DAB1: variants seen among roughly 807,000 people sequenced by gnomAD.
The protein encoded by DAB1 is DAB adaptor protein 1.
In DAB1, 15 loss-of-function variants were observed where a neutral mutation model predicts 64.6. The observed-to-expected ratio is 0.23, with a 90% CI of 0.16 to 0.36. DAB1 has a LOEUF of 0.36. Ranked by LOEUF, DAB1 falls within the 10% of genes least tolerant of loss-of-function variation. The pLI, the probability that DAB1 is intolerant of heterozygous loss-of-function variation, is 1.00. For missense variants in DAB1, 596 were observed against 706.7 expected, an observed-to-expected ratio of 0.84 and a Z score of 1.78; for synonymous variants, 235 against 251.9, an observed-to-expected ratio of 0.93 and a Z score of 0.64.
chr1:57,010,872 C>A (rs1001036511), intron 13 of DAB1, 82 bp from the exon 14 acceptor site: 7 of 1,067,620 alleles, frequency 6.6e-6, no homozygotes, highest in South Asian at 1.8e-5. Context: ...TACTTTCATG[C>A]AGCACAATCA....
intron 4 of DAB1, among the ~76,000 whole-genome samples, chr1:58,155,655 C>A (rs886318571): frequency 6.6e-6 from 1 of 152,088 alleles, no homozygotes; most frequent in Non-Finnish European, 1.5e-5. Flanking sequence ...ACTTAGTAAC[C>A]GGCACAAACA....
At chr1:57,043,090 C>T (rs1648001275) in intron 9 of DAB1, among the ~76,000 whole-genome samples, 3 of 152,318 alleles carry the variant, frequency 2.0e-5, no homozygotes, top group Non-Finnish European at 4.4e-5. Context: ...TTTCAACTGA[C>T]TCTTCAAGCT....
chr1:58,413,335 A>G (rs1279802501), intron 3 of DAB1, among the ~76,000 whole-genome samples: 1 of 152,206 alleles, frequency 6.6e-6, no homozygotes, highest in East Asian at 1.9e-4. Context: ...TATCTCACTT[A>G]TTCTTAAAAA....
intron 1 of DAB1, among the ~76,000 whole-genome samples, chr1:57,868,022 C>T (rs1654379759): frequency 6.6e-6 from 1 of 152,146 alleles, no homozygotes; most frequent in Non-Finnish European, 1.5e-5. Context: ...CCAGTAAATA[C>T]TGCTTAACTT....
At chr1:57,248,579 T>C (rs1669077269) in intron 2 of DAB1, among the ~76,000 whole-genome samples, 1 of 152,246 alleles carries the variant, frequency 6.6e-6, no homozygotes, top group Admixed American at 6.5e-5. Flanking sequence ...TTTGAATTCA[T>C]GGACTTTCTG....
At chr1:58,335,998 G>A (rs1490421488) in intron 4 of DAB1, among the ~76,000 whole-genome samples, 1 of 152,142 alleles carries the variant, frequency 6.6e-6, no homozygotes, top group African/African-American at 2.4e-5. Flanking sequence ...AATAAATTTG[G>A]TTATAGCACT....
At chr1:58,385,480 C>G (rs1557745979) in intron 3 of DAB1, among the ~76,000 whole-genome samples, 1 of 152,128 alleles carries the variant, frequency 6.6e-6, no homozygotes, top group Non-Finnish European at 1.5e-5. Context: ...TTCTTCCAAT[C>G]CCCCATCCCC....
chr1:57,169,633 G>C (rs1661541087), intron 2 of DAB1, among the ~76,000 whole-genome samples: 1 of 152,118 alleles, frequency 6.6e-6, no homozygotes, highest in African/African-American at 2.4e-5. Flanking sequence ...CCCTGCAAAA[G>C]TCAGTTTAGC....
chr1:57,741,880 T>C (rs1467303736), intron 6 of DAB1, among the ~76,000 whole-genome samples: 3 of 152,302 alleles, frequency 2.0e-5, no homozygotes, highest in Non-Finnish European at 2.9e-5. Flanking sequence ...TATACAAGTA[T>C]AACCTGTAAT....
intron 6 of DAB1, among the ~76,000 whole-genome samples, chr1:57,695,373 A>G (rs1437303029): frequency 2.0e-4 from 11 of 53,794 alleles, no homozygotes; most frequent in Non-Finnish European, 3.8e-4. Flanking sequence ...AGAAAGAAAG[A>G]AAGAAAGAAA....
chr1:58,264,939 A>G (rs1293406276), intron 4 of DAB1, among the ~76,000 whole-genome samples: 6 of 152,202 alleles, frequency 3.9e-5, no homozygotes, highest in Non-Finnish European at 8.8e-5. Flanking sequence ...GCACGGTCCT[A>G]GAAGAAAGGT....
chr1:57,314,529 G>T (rs1675019904), intron 1 of DAB1, among the ~76,000 whole-genome samples: 1 of 152,144 alleles, frequency 6.6e-6, no homozygotes, highest in African/African-American at 2.4e-5. Context: ...CATTAGGGAT[G>T]TTGTGAGGCT....
At chr1:58,256,473 A>G (rs1423218988) in intron 4 of DAB1, among the ~76,000 whole-genome samples, 2 of 152,226 alleles carry the variant, frequency 1.3e-5, no homozygotes, top group Non-Finnish European at 2.9e-5. Flanking sequence ...AAGGTGGAAA[A>G]GAAATGGTGG....
chr1:58,303,905 GTTTA>G (rs887853598), intron 4 of DAB1, among the ~76,000 whole-genome samples: 20 of 152,120 alleles, frequency 1.3e-4, no homozygotes, highest in African/African-American at 4.3e-4. Flanking sequence ...TATTTGGTTT[GTTTA>G]TTTATTTATT....
chr1:58,088,568 C>T (rs1650456233), intron 5 of DAB1, among the ~76,000 whole-genome samples: 1 of 151,930 alleles, frequency 6.6e-6, no homozygotes. Flanking sequence ...AGCCAGAGAC[C>T]CATTCAGAAA....
chr1:57,116,858 A>G (rs1337876754), intron 4 of DAB1, among the ~76,000 whole-genome samples: 1 of 152,246 alleles, frequency 6.6e-6, no homozygotes, highest in Non-Finnish European at 1.5e-5. Flanking sequence ...CTATGAATTA[A>G]TAGGAGCACC....
At chr1:58,056,170 G>A (rs780499684) in intron 5 of DAB1, 48 of 1,521,554 alleles carry the variant, frequency 3.2e-5, no homozygotes, top group South Asian at 1.5e-4. Context: ...GGCAGCACCC[G>A]CAGGTCTAAA....
At chr1:57,658,857 C>T (rs1468503404) in intron 6 of DAB1, among the ~76,000 whole-genome samples, 1 of 152,192 alleles carries the variant, frequency 6.6e-6, no homozygotes, top group African/African-American at 2.4e-5. Flanking sequence ...TGTGCCCCTG[C>T]GCCCAGCCTC....
At chr1:57,559,474 A>C (rs1285728822) in intron 7 of DAB1, among the ~76,000 whole-genome samples, 1 of 152,172 alleles carries the variant, frequency 6.6e-6, no homozygotes, top group African/African-American at 2.4e-5. Context: ...AACCAGGGTA[A>C]CTGTGCATTG....
Sources: allele counts gnomAD v4.1 joint callset (sites outside exome capture counted in the v4.1 genomes callset), GRCh38; gene constraint gnomAD v4.1.1; transcripts MANE v1.5; gene names NCBI Gene and HGNC (gene_info 2026-07-23, HGNC 2026-07-21).